The following HNF4G variants were observed in gnomAD, a reference collection of about 807,000 sequenced individuals.
HNF4G encodes the protein hepatocyte nuclear factor 4 gamma.
In HNF4G, 21 loss-of-function variants were observed where a neutral mutation model predicts 50.9. The observed-to-expected ratio is 0.41, with a 90% CI of 0.29 to 0.59. HNF4G has a LOEUF of 0.59. HNF4G is among the 20% of genes least tolerant of loss of function. The pLI, the probability that HNF4G is intolerant of heterozygous loss-of-function variation, is 0.26. For missense variants in HNF4G, 527 were observed against 559.4 expected (o/e 0.94, Z 0.58); for synonymous variants, 198 against 185.6 (o/e 1.07, Z -0.54).
chr8:75,539,309 A>C (rs1180861347), upstream of HNF4G, among the ~76,000 whole-genome samples: 1 of 152,190 alleles, frequency 6.6e-6, no homozygotes, highest in Non-Finnish European at 1.5e-5. Flanking sequence ...AGGCCTATAA[A>C]TAGATAATTA....
chr8:75,425,396 T>TA (rs1810870173), intron 1 of HNF4G, among the ~76,000 whole-genome samples: 1 of 151,840 alleles, frequency 6.6e-6, no homozygotes, highest in African/African-American at 2.4e-5. Flanking sequence ...ATGCAGCTTT[T>TA]AAAAAATCAA....
intron 2 of HNF4G, among the ~76,000 whole-genome samples, chr8:75,544,962 G>T (rs1806731672): frequency 6.6e-6 from 1 of 151,970 alleles, no homozygotes; most frequent in Non-Finnish European, 1.5e-5. Context: ...TATCTGTCTA[G>T]TTCTCTGGTA....
At chr8:75,476,239 C>G (rs1023477149) in intron 1 of HNF4G, among the ~76,000 whole-genome samples, 1 of 152,154 alleles carries the variant, frequency 6.6e-6, no homozygotes, top group African/African-American at 2.4e-5. Flanking sequence ...ATTCCAGTTC[C>G]ATACATACAG....
At chr8:75,466,400 C>T (rs190339480) in intron 1 of HNF4G, among the ~76,000 whole-genome samples, 332 of 152,066 alleles carry the variant, frequency 2.2e-3, no homozygotes, top group Non-Finnish European at 3.9e-3. Flanking sequence ...GACTGTGCTG[C>T]TGAATTTTAC....
intron 2 of HNF4G, among the ~76,000 whole-genome samples, chr8:75,517,288 C>T (rs1805916143): frequency 1.3e-5 from 2 of 152,116 alleles, no homozygotes; most frequent in African/African-American, 4.8e-5. Context: ...TCCCAAATCT[C>T]ATATCCTTAC....
intron 1 of HNF4G, among the ~76,000 whole-genome samples, chr8:75,477,387 C>A (rs970631750): frequency 1.3e-5 from 2 of 152,016 alleles, no homozygotes; most frequent in African/African-American, 4.8e-5. Flanking sequence ...TCTATTGGAT[C>A]CTCTACATTT....
chr8:75,558,734 GAATA>G (rs1807208020), intron 7 of HNF4G, 63 bp from the exon 8 acceptor site: 1 of 1,578,588 alleles, frequency 6.3e-7, no homozygotes, highest in Non-Finnish European at 8.7e-7. Context: ...TTCAATATTA[GAATA>G]TTTATTGTCT....
intron 2 of HNF4G, among the ~76,000 whole-genome samples, chr8:75,517,181 G>A (rs189439758): frequency 5.8e-4 from 88 of 152,180 alleles, no homozygotes; most frequent in African/African-American, 1.9e-3. Flanking sequence ...ACCTCCCATC[G>A]GGTACCTCCC....
chr8:75,460,359 G>A (rs371824488), intron 1 of HNF4G, among the ~76,000 whole-genome samples: 1 of 152,130 alleles, frequency 6.6e-6, no homozygotes, highest in Admixed American at 6.6e-5. Context: ...CCATGTTAAA[G>A]GATGCTTGAC....
chr8:75,527,280 T>C (rs936042462), intron 2 of HNF4G: 20 of 152,192 alleles, frequency 1.3e-4, no homozygotes, highest in Non-Finnish European at 8.8e-5. Context: ...ATATGAGTTA[T>C]GGTATTGTTG....
rs930258059 is a variant in HNF4G, at chr8:75,452,713, C to T, written c.-143-37376C>T. Among the ~76,000 whole-genome samples, 36 of 149,828 alleles carry T rather than the reference C, an allele frequency of 2.4e-4. 1 individual carries two copies. Among genetic ancestry groups the T allele is most frequent in the African/African-American group, 4.2e-4 (17 of 40,664 alleles). Reference sequence around the variant, plus strand: ...CAGCCTGGGCAACAGAGTGAGACTCCGTCTCAAAAAAAAAAAAGAAAAGAA... The same window carrying T: ...CAGCCTGGGCAACAGAGTGAGACTCTGTCTCAAAAAAAAAAAAGAAAAGAA... On this transcript the variant is annotated intron_variant, in intron 1 of 10. Transcript: ENST00000354370.
intron 2 of HNF4G, among the ~76,000 whole-genome samples, chr8:75,495,907 A>G (rs1812756630): frequency 6.6e-6 from 1 of 152,126 alleles, no homozygotes; most frequent in Non-Finnish European, 1.5e-5. Context: ...AAGAAATGGA[A>G]CAATATCAAT....
At chr8:75,519,013 A>T (rs761513989) in intron 2 of HNF4G, among the ~76,000 whole-genome samples, 1 of 152,208 alleles carries the variant, frequency 6.6e-6, no homozygotes, top group Non-Finnish European at 1.5e-5. Flanking sequence ...CTTTTTGAAT[A>T]CATAAAACTG....
intron 2 of HNF4G, among the ~76,000 whole-genome samples, chr8:75,544,661 TTG>T (rs1484642540): frequency 6.6e-6 from 1 of 151,792 alleles, no homozygotes; most frequent in Non-Finnish European, 1.5e-5. Context: ...TTTTTTTTTT[TTG>T]ATTAATACCT....
At chr8:75,435,783 G>A (rs34013182) in intron 1 of HNF4G, among the ~76,000 whole-genome samples, 6,649 of 151,902 alleles carry the variant, frequency 0.044, 190 homozygotes, top group Non-Finnish European at 0.062. Context: ...TAGTAGAGAC[G>A]GGGTTTCTCC....
chr8:75,447,554 A>G (rs1365361652), intron 1 of HNF4G, among the ~76,000 whole-genome samples: 1 of 149,054 alleles, frequency 6.7e-6, no homozygotes, highest in East Asian at 2.0e-4. Flanking sequence ...GCTAATATCC[A>G]GAATCTACAA....
intron 1 of HNF4G, among the ~76,000 whole-genome samples, chr8:75,440,119 A>C (rs893286760): frequency 6.6e-6 from 1 of 152,160 alleles, no homozygotes; most frequent in Non-Finnish European, 1.5e-5. Flanking sequence ...TTACAAATCC[A>C]TAGCTGGTTG....
intron 1 of HNF4G, among the ~76,000 whole-genome samples, chr8:75,480,713 TTTTC>T (rs1160351949): frequency 1.0e-5 from 1 of 96,272 alleles, no homozygotes; most frequent in Non-Finnish European, 2.2e-5. Flanking sequence ...TTCTTTTTCT[TTTTC>T]TTTCTTTTTT....
intron 2 of HNF4G, among the ~76,000 whole-genome samples, chr8:75,497,941 A>G (rs1018194467): frequency 6.6e-6 from 1 of 152,182 alleles, no homozygotes; most frequent in African/African-American, 2.4e-5. Flanking sequence ...ACATATTAAT[A>G]GAGACCCTAC....
Sources: gnomAD v4.1 joint callset for allele counts (sites outside exome capture counted in the v4.1 genomes callset) on GRCh38, gnomAD v4.1.1 for gene constraint, MANE v1.5 for transcripts, NCBI Gene and HGNC (gene_info 2026-07-23, HGNC 2026-07-21) for gene names.